The following SLC4A10 variants were observed in gnomAD, a reference collection of about 807,000 sequenced individuals.
The protein encoded by SLC4A10 is sodium-driven chloride bicarbonate exchanger.
SLC4A10 carries 42 observed loss-of-function variants against 137.7 expected under a neutral mutation model. That is an observed-to-expected ratio of 0.30 (90% CI 0.24 to 0.39). SLC4A10 has a LOEUF of 0.39. Among genes scored for constraint, SLC4A10 ranks in the 10% least tolerant of loss-of-function variants. The pLI is 1.00. For synonymous variants in SLC4A10, 474 were observed against 464.1 expected, an observed-to-expected ratio of 1.02 and a Z score of -0.27; for missense variants, 925 against 1,355.0, an observed-to-expected ratio of 0.68 and a Z score of 4.98.
intron 1 of SLC4A10, among the ~76,000 whole-genome samples, chr2:161,680,024 CTA>C (rs2040677285): frequency 2.0e-5 from 3 of 152,082 alleles, no homozygotes; most frequent in Admixed American, 2.0e-4. Context: ...TCTGAATTCA[CTA>C]TGATACTTCA....
At chr2:161,770,637 C>T (rs2051474494) in intron 1 of SLC4A10, among the ~76,000 whole-genome samples, 1 of 151,794 alleles carries the variant, frequency 6.6e-6, no homozygotes, top group African/African-American at 2.4e-5. Flanking sequence ...ATCTTGTTAA[C>T]AAGAATTCTT....
At chr2:161,636,377 T>G (rs779316753) in intron 1 of SLC4A10, among the ~76,000 whole-genome samples, 25 of 152,108 alleles carry the variant, frequency 1.6e-4, no homozygotes, top group Non-Finnish European at 3.4e-4. Flanking sequence ...ATTTTTATTT[T>G]TATTTGTATT....
rs779998795 is a variant in SLC4A10 at position 161,836,573 on chromosome 2, AAAGAAAGAAAGAAAGAAAGAAAGAAAGG to A, written c.278-3212_278-3185del. 5.1e-3 allele frequency among the ~76,000 whole-genome samples: 683 copies of A among 133,266 alleles called. 22 individuals carry two copies. Among genetic ancestry groups the A allele is most frequent in the African/African-American group, 7.6e-3 (258 of 33,786 alleles). The allele number at this position is 133,266 out of a possible 152,430, so 87.4% of individuals were successfully genotyped here. On this transcript the variant is annotated intron_variant, in intron 3 of 26. Coordinates refer to ENST00000446997, the MANE Select transcript of SLC4A10 (RefSeq NM_001178015.2). Reference sequence around the variant, plus strand: ...GAAAGAAAGAAAGAAAGAAAGAAAGAAAGAAAGAAAGAAAGAAAGAAAGAAAGGAAGGAAGGAAAGAAATGAAAGAAAA... The same window carrying A: ...GAAAGAAAGAAAGAAAGAAAGAAAGAAAGGAAGGAAAGAAATGAAAGAAAA...
intron 2 of SLC4A10, among the ~76,000 whole-genome samples, chr2:161,779,851 C>A (rs1367516353): frequency 6.6e-6 from 1 of 151,976 alleles, no homozygotes; most frequent in African/African-American, 2.4e-5. Flanking sequence ...CATAAAATTA[C>A]ATGAAATTCA....
At chr2:161,828,057 T>A (rs1396676623) in intron 3 of SLC4A10, among the ~76,000 whole-genome samples, 25 of 152,184 alleles carry the variant, frequency 1.6e-4, no homozygotes, top group Non-Finnish European at 1.9e-4. Context: ...TCCCCAGCTC[T>A]CCAGTGCTAT....
chr2:161,905,815 A>G lies in SLC4A10; in HGVS notation c.1925A>G (p.Glu642Gly). 1 of 1,613,996 alleles carries G rather than the reference A, an allele frequency of 6.2e-7. No individual in the cohort carries two copies. The highest frequency in any genetic ancestry group is 8.5e-7 in the Non-Finnish European group (1 of 1,179,876). ...ATCATTTTCATTTATGAGGCCCTGG[A>G]GAAGTTGTTTGAACTCAGTGAAGCA... ...ICIIFIYEAL[E>G]KLFELSEAYP... Residue 642 changes from glutamate to glycine, a missense_variant, in exon 15 of 27, where the codon GAG becomes GGG. Physicochemically the swap from Glu to Gly is moderately conservative, Grantham distance 98 (BLOSUM62 -2). Around this residue, in one of 11 missense-constraint regions of SLC4A10, gnomAD observed 91 missense variants for 95.6 expected, o/e 0.95. Transcript: ENST00000446997.
chr2:161,974,954 A>G (rs1335525767), intron 24 of SLC4A10, among the ~76,000 whole-genome samples: 2 of 152,124 alleles, frequency 1.3e-5, no homozygotes, highest in African/African-American at 2.4e-5. Context: ...ATCTTGTACA[A>G]TTCTAAGTAT....
intron 1 of SLC4A10, among the ~76,000 whole-genome samples, chr2:161,766,594 A>T (rs1030845343): frequency 6.6e-6 from 1 of 152,122 alleles, no homozygotes; most frequent in South Asian, 2.1e-4. Context: ...GAGGGCAGAG[A>T]TTCATTCTAA....
At chr2:161,708,784 C>A (rs2043961788) in intron 1 of SLC4A10, 2 of 1,532,624 alleles carry the variant, frequency 1.3e-6, no homozygotes, top group African/African-American at 2.7e-5. Flanking sequence ...ATAGAAAGGT[C>A]ATGCAGTCTG....
intron 2 of SLC4A10, among the ~76,000 whole-genome samples, chr2:161,780,154 A>C (rs779608033): frequency 1.3e-5 from 2 of 152,190 alleles, no homozygotes; most frequent in East Asian, 3.9e-4. Context: ...ATGCTTTTAT[A>C]GCACAGTGGA....
chr2:161,638,771 T>C (rs1015497813), intron 1 of SLC4A10, among the ~76,000 whole-genome samples: 14 of 152,060 alleles, frequency 9.2e-5, no homozygotes, highest in Non-Finnish European at 1.6e-4. Context: ...TATCTTTTCA[T>C]TTGTGTCTTC....
chr2:161,640,354 C>T (rs894326230), intron 1 of SLC4A10, among the ~76,000 whole-genome samples: 2 of 152,076 alleles, frequency 1.3e-5, no homozygotes, highest in African/African-American at 4.8e-5. Flanking sequence ...CCTGACTCCA[C>T]TCTGGAATGA....
intron 1 of SLC4A10, among the ~76,000 whole-genome samples, chr2:161,714,596 C>T (rs1003917419): frequency 1.3e-5 from 2 of 151,862 alleles, no homozygotes; most frequent in African/African-American, 4.8e-5. Context: ...CCCTACTCAT[C>T]TTTTTCCCCA....
At chr2:161,849,497 T>G (rs977271453) in intron 4 of SLC4A10, among the ~76,000 whole-genome samples, 1 of 152,186 alleles carries the variant, frequency 6.6e-6, no homozygotes, top group Non-Finnish European at 1.5e-5. Flanking sequence ...AGGAGAATGC[T>G]TTCAGCTTTT....
chr2:161,827,993 C>T (rs1283971760), intron 3 of SLC4A10, among the ~76,000 whole-genome samples: 1 of 152,190 alleles, frequency 6.6e-6, no homozygotes, highest in East Asian at 1.9e-4. Context: ...AATATCAGTA[C>T]ATTGCTTATT....
intron 26 of SLC4A10, among the ~76,000 whole-genome samples, 163 bp downstream of exon 26, chr2:161,977,923 A>G (rs1409984090): frequency 6.6e-6 from 1 of 152,146 alleles, no homozygotes; most frequent in Non-Finnish European, 1.5e-5. Context: ...GTTTGATGAT[A>G]TATCTGTAAC....
intron 1 of SLC4A10, among the ~76,000 whole-genome samples, chr2:161,736,822 C>T (rs979779814): frequency 3.9e-5 from 6 of 152,060 alleles, no homozygotes; most frequent in African/African-American, 1.2e-4. Context: ...AGTCATCTCT[C>T]TTAAACATCC....
At chr2:161,741,022 G>A (rs1041598398) in intron 1 of SLC4A10, among the ~76,000 whole-genome samples, 63 of 152,158 alleles carry the variant, frequency 4.1e-4, no homozygotes, top group African/African-American at 1.5e-3. Context: ...GCTCACACCT[G>A]TAATCCTTGG....
chr2:161,908,859 A>G (rs1685120333), intron 15 of SLC4A10, among the ~76,000 whole-genome samples: 1 of 152,050 alleles, frequency 6.6e-6, no homozygotes, highest in African/African-American at 2.4e-5. Flanking sequence ...TGATGAAAAG[A>G]GTAGATAAAC....
Sources: gnomAD v4.1 joint callset for allele counts (sites outside exome capture counted in the v4.1 genomes callset) on GRCh38, gnomAD v4.1.1 for gene constraint, gnomAD v4.1.1 regional missense constraint, MANE v1.5 for transcripts, NCBI Gene and HGNC (gene_info 2026-07-23, HGNC 2026-07-21) for gene names.